The following CHRM3 variants were observed in gnomAD, a reference collection of about 807,000 sequenced individuals.
CHRM3 encodes the protein muscarinic acetylcholine receptor M3.
CHRM3 carries 11 observed loss-of-function variants against 41.8 expected under a neutral mutation model. The observed-to-expected ratio is 0.26, with a 90% CI of 0.17 to 0.44. The LOEUF is 0.44. CHRM3 is among the 20% of genes least tolerant of loss of function. The pLI is 1.00. For synonymous variants in CHRM3, 297 were observed against 301.4 expected, an observed-to-expected ratio of 0.99 and a Z score of 0.15; for missense variants, 571 against 745.4, an observed-to-expected ratio of 0.77 and a Z score of 2.72.
At chr1:239,833,033 A>G (rs594250) in intron 6 of CHRM3, among the ~76,000 whole-genome samples, 145,956 of 152,154 alleles carry the variant, frequency 0.96, 70,343 homozygotes, top group East Asian at 1. Context: ...TGGTTCAAAC[A>G]CCTCTGACAA....
At chr1:239,736,208 A>G (rs1664380278) in intron 5 of CHRM3, among the ~76,000 whole-genome samples, 2 of 152,076 alleles carry the variant, frequency 1.3e-5, no homozygotes, top group Admixed American at 6.6e-5. Flanking sequence ...GCAGGCAGAT[A>G]TGTCATTTAA....
intron 6 of CHRM3, among the ~76,000 whole-genome samples, chr1:239,879,028 G>A (rs1156627621): frequency 6.6e-6 from 1 of 152,160 alleles, no homozygotes; most frequent in Non-Finnish European, 1.5e-5. Context: ...TCAAATTTAA[G>A]TTTGCCTCAG....
intron 2 of CHRM3, among the ~76,000 whole-genome samples, chr1:239,510,636 A>G (rs1668857457): frequency 6.6e-6 from 1 of 151,522 alleles, no homozygotes. Flanking sequence ...TCCCCAGTTC[A>G]AGTGATTCTC....
chr1:239,903,293 T>C (rs1451546931), intron 6 of CHRM3, among the ~76,000 whole-genome samples: 1 of 152,248 alleles, frequency 6.6e-6, no homozygotes, highest in African/African-American at 2.4e-5. Context: ...GCAAATTAAA[T>C]TGCTGTTGAA....
chr1:239,724,945 C>T (rs1326917635), intron 5 of CHRM3, among the ~76,000 whole-genome samples: 1 of 151,904 alleles, frequency 6.6e-6, no homozygotes, highest in Non-Finnish European at 1.5e-5. Flanking sequence ...ACCCACCCCA[C>T]CATGCCCAGC....
At chr1:239,805,590 T>C (rs1670571175) in intron 5 of CHRM3, among the ~76,000 whole-genome samples, 1 of 152,084 alleles carries the variant, frequency 6.6e-6, no homozygotes, top group South Asian at 2.1e-4. Context: ...AGCTGACCTT[T>C]CCTGAAGTCT....
At chr1:239,600,445 G>A (rs1388240984) in intron 3 of CHRM3, among the ~76,000 whole-genome samples, 2 of 152,046 alleles carry the variant, frequency 1.3e-5, no homozygotes, top group Admixed American at 1.3e-4. Context: ...GTGTCAGGTA[G>A]GCTAATATCC....
At chr1:239,429,685 GT>G (rs1291616976) in intron 1 of CHRM3, among the ~76,000 whole-genome samples, 10 of 151,462 alleles carry the variant, frequency 6.6e-5, no homozygotes, top group Admixed American at 6.6e-4. Context: ...TTCATGTCGG[GT>G]ATTTTTATTT....
intron 2 of CHRM3, among the ~76,000 whole-genome samples, chr1:239,536,442 A>G (rs1250459221): frequency 6.6e-6 from 1 of 152,196 alleles, no homozygotes; most frequent in Non-Finnish European, 1.5e-5. Flanking sequence ...CTTGACATTA[A>G]AGGAAGTATT....
At chr1:239,765,757 G>A in intron 5 of CHRM3, among the ~76,000 whole-genome samples, 1 of 151,846 alleles carries the variant, frequency 6.6e-6, no homozygotes, top group East Asian at 1.9e-4. Flanking sequence ...CAAACTGGGG[G>A]GAAAAATCAA....
At chr1:239,742,389 C>T (rs74765817) in intron 5 of CHRM3, among the ~76,000 whole-genome samples, 2,496 of 152,202 alleles carry the variant, frequency 0.016, 23 homozygotes, top group Non-Finnish European at 0.024. Context: ...GAGGTTCAAC[C>T]GGAGCCAGAT....
At position 239,909,912 on chromosome 1, in the gene CHRM3, A is replaced by T. The variant is rs1165280308; in HGVS notation, c.*688A>T. The T allele has an allele frequency of 6.0e-6, 1 of 167,066 alleles. No homozygotes were observed. The highest frequency in any genetic ancestry group is 2.4e-5 in the African/African-American group (1 of 41,448). The allele number at this position is 167,066 out of a possible 1,614,324, so 10.3% of individuals were successfully genotyped here. A position where few individuals can be genotyped will look rare whatever the true frequency, so the allele number is the denominator to read the frequency against. ...TATCATGGGAAACACTGAACTGGCA[A>T]ATTATTCCTGCAACATACGCTTTCA... is the stretch of plus-strand genomic sequence containing the variant. On this transcript the variant is annotated 3_prime_UTR_variant, in exon 7 of 7. Coordinates refer to ENST00000676153, the MANE Select transcript of CHRM3 (RefSeq NM_001375978.1).
At chr1:239,404,333 G>A (rs1390876889) in intron 1 of CHRM3, among the ~76,000 whole-genome samples, 10 of 125,294 alleles carry the variant, frequency 8.0e-5, no homozygotes, top group African/African-American at 2.7e-4. Context: ...AGGAAGGAAG[G>A]AAGAAAGAAA....
chr1:239,867,625 G>A (rs1335394055), intron 6 of CHRM3, among the ~76,000 whole-genome samples: 1 of 151,324 alleles, frequency 6.6e-6, no homozygotes, highest in African/African-American at 2.4e-5. Flanking sequence ...AGCAGAGGTT[G>A]CAGTGAGCTG....
At position 239,812,878 on chromosome 1, in the gene CHRM3, G is replaced by C. The variant is rs370268508; in HGVS notation, c.-146-14374G>C. 9.2e-4 allele frequency among the ~76,000 whole-genome samples: 140 copies of C among 152,344 alleles called. 1 individual carries two copies. The highest frequency in any genetic ancestry group is 3.2e-3 in the African/African-American group (135 of 41,586). On this transcript the variant is annotated intron_variant, in intron 5 of 6. Coordinates refer to ENST00000676153, the MANE Select transcript of CHRM3 (RefSeq NM_001375978.1). ...ATAGGTGGGAAATAGCAAAGTTGGA[G>C]TCTGCCCTCCAATGCCTCTCCCTCC...
chr1:239,623,485 T>A (rs77451979), intron 3 of CHRM3, among the ~76,000 whole-genome samples: 60,448 of 103,440 alleles, frequency 0.58, 15,012 homozygotes, highest in African/African-American at 0.76. Flanking sequence ...GTGTATAAGT[T>A]TTTTTTTTTT....
At position 239,394,806 on chromosome 1, in the gene CHRM3, G is replaced by T. The variant is rs556052271; in HGVS notation, c.-521+7579G>T. 9.7e-4 allele frequency among the ~76,000 whole-genome samples: 148 copies of T among 152,238 alleles called. 1 individual carries two copies. Among genetic ancestry groups the T allele is most frequent in the African/African-American group, 3.3e-3 (138 of 41,542 alleles). On this transcript the variant is annotated intron_variant, in intron 1 of 6. Transcript: ENST00000676153. The stretch of plus-strand genomic sequence containing the variant: ...AACACTTCTGATCTTTCTTCCACAA[G>T]AAAATCTTTAAAGTTGAGAAGTTTA...
chr1:239,704,162 T>C (rs1159002581), intron 5 of CHRM3: 1 of 152,182 alleles, frequency 6.6e-6, no homozygotes, highest in Non-Finnish European at 1.5e-5. Flanking sequence ...GCTGTGATTT[T>C]TGCACAAAGA....
intron 4 of CHRM3, among the ~76,000 whole-genome samples, chr1:239,649,641 G>C (rs898498083): frequency 6.6e-6 from 1 of 152,108 alleles, no homozygotes; most frequent in African/African-American, 2.4e-5. Context: ...ATCAAAGCCT[G>C]TTTGTGAGAT....
Sources: allele counts gnomAD v4.1 joint callset (sites outside exome capture counted in the v4.1 genomes callset), GRCh38; gene constraint gnomAD v4.1.1; transcripts MANE v1.5; gene names NCBI Gene and HGNC (gene_info 2026-07-23, HGNC 2026-07-21).